Variants in RARS2 observed in about 807,000 individuals in gnomAD.
RARS2 encodes the protein arginyl-tRNA synthetase 2, mitochondrial.
In RARS2, 67 loss-of-function variants were observed where a neutral mutation model predicts 88.5. The ratio of observed to expected loss-of-function variants is 0.76; its 90% CI spans 0.62 to 0.93. The LOEUF is 0.93. Among genes scored for constraint, RARS2 ranks in the 40% least tolerant of loss-of-function variants. The probability of loss-of-function intolerance (pLI) is 0.00; values close to 1 mark genes in which losing one functional copy is unlikely to be tolerated. For missense variants in RARS2, 664 were observed against 684.2 expected (o/e 0.97, Z 0.33); for synonymous variants, 239 against 230.3 (o/e 1.04, Z -0.34).
intron 19 of RARS2, 65 bp downstream of exon 19, chr6:87,514,892 G>T: frequency 7.4e-7 from 1 of 1,346,548 alleles, no homozygotes; most frequent in Non-Finnish European, 1.1e-6. Context: ...AAATTTACAA[G>T]ACTGACTTAG....
intron 5 of RARS2, 148 bp from the exon 6 acceptor site, chr6:87,548,794 A>C (rs1316968020): frequency 1.4e-6 from 1 of 726,212 alleles, no homozygotes. Context: ...AATTTAGAGC[A>C]AAGATAAATT....
rs755363278 is a variant in RARS2 at position 87,518,874 on chromosome 6, T to C, written c.1255A>G (p.Asn419Asp). Residue 419 changes from asparagine to aspartate, a missense_variant, in exon 15 of 20, where the codon AAC becomes GAC. Physicochemically the swap from Asn to Asp is conservative, Grantham distance 23. Coordinates refer to ENST00000369536, the MANE Select transcript of RARS2 (RefSeq NM_020320.5). ...ASIKTTKELK[N>D]PQETAERVGL... ...ACCCTCTCTGCAGTCTCTTGTGGGT[T>C]CTTGAGTTCTTTAGTTGCTGAAACA... 127 of 1,613,974 alleles carry C rather than the reference T, an allele frequency of 7.9e-5. No individual in the cohort carries two copies. Among genetic ancestry groups the C allele is most frequent in the Non-Finnish European group, 9.6e-5 (113 of 1,179,992 alleles).
At chr6:87,569,695 G>A in intron 1 of RARS2, 105 bp from the exon 2 acceptor site, 2 of 875,640 alleles carry the variant, frequency 2.3e-6, no homozygotes, top group Non-Finnish European at 1.9e-6. Flanking sequence ...TAACACGAAT[G>A]AGCTCCAAAT....
chr6:87,525,691 C>T (rs1177522242), intron 10 of RARS2, among the ~76,000 whole-genome samples: 5 of 151,878 alleles, frequency 3.3e-5, no homozygotes, highest in South Asian at 2.1e-4. Context: ...TGGAATTAGG[C>T]GCGCGCCACC....
intron 1 of RARS2, among the ~76,000 whole-genome samples, chr6:87,580,268 T>C (rs1773077113): frequency 6.6e-6 from 1 of 152,302 alleles, no homozygotes; most frequent in Admixed American, 6.5e-5. Context: ...AAAGAAGGTC[T>C]ACTGATAACT....
At chr6:87,522,926 C>A (rs958622184) in intron 11 of RARS2, among the ~76,000 whole-genome samples, 1 of 152,156 alleles carries the variant, frequency 6.6e-6, no homozygotes, top group African/African-American at 2.4e-5. Context: ...AAATCTTATT[C>A]TTCATGCATA....
Position 87,524,575 on chromosome 6 carries a change from G to T in RARS2, c.956C>A (p.Thr319Asn). The T allele has an allele frequency of 6.2e-7, 1 of 1,611,640 alleles. No individual in the cohort carries two copies. Among genetic ancestry groups the T allele is most frequent in the Non-Finnish European group, 8.5e-7 (1 of 1,177,810 alleles). ...SICTVMRSDG[T>N]SLYATRDLAA... ...TACAAACCTGGTTGCATAGAGAGAA[G>T]TCCCATCACTTCGCATTACAGTACA... Residue 319 changes from threonine (T) to asparagine (N), a missense_variant, in exon 11 of 20, where the codon ACT becomes AAT. Thr to Asn is a moderately conservative substitution (Grantham distance 65). Transcript: ENST00000369536.
intron 11 of RARS2, among the ~76,000 whole-genome samples, chr6:87,522,017 A>G (rs535989137): frequency 6.6e-6 from 1 of 152,308 alleles, no homozygotes; most frequent in Non-Finnish European, 1.5e-5. Context: ...CAGGGGGAAT[A>G]CCTTCTAACG....
intron 1 of RARS2, 91 bp from the exon 2 acceptor site, chr6:87,569,681 C>A: frequency 1.0e-6 from 1 of 989,688 alleles, no homozygotes; most frequent in Non-Finnish European, 1.6e-6. Flanking sequence ...ACTATTAATA[C>A]ACTTAACACG....
chr6:87,540,345 C>T (rs1371059359), intron 8 of RARS2, among the ~76,000 whole-genome samples: 2 of 146,346 alleles, frequency 1.4e-5, no homozygotes, highest in Non-Finnish European at 3.0e-5. Flanking sequence ...CCCAGCTACT[C>T]GTGAGGCTGA....
At chr6:87,517,249 G>A (rs1363903424) in intron 17 of RARS2, among the ~76,000 whole-genome samples, 1 of 152,150 alleles carries the variant, frequency 6.6e-6, no homozygotes, top group Non-Finnish European at 1.5e-5. Flanking sequence ...CTGTACTCTA[G>A]CCTGGGCAAC....
At chr6:87,562,976 C>T (rs1394627154) in intron 3 of RARS2, among the ~76,000 whole-genome samples, 191 bp from the exon 4 acceptor site, 1 of 151,952 alleles carries the variant, frequency 6.6e-6, no homozygotes, top group African/African-American at 2.4e-5. Context: ...TTCTTTTTTT[C>T]CCAACTAACA....
At position 87,568,214 on chromosome 6, in the gene RARS2, C is replaced by G. The variant is rs143511077; in HGVS notation, c.110+1303G>C. 2.7e-3 allele frequency among the ~76,000 whole-genome samples: 416 copies of G among 152,284 alleles called. 1 individual carries two copies. Among genetic ancestry groups the G allele is most frequent in the African/African-American group, 9.3e-3 (385 of 41,556 alleles). ...CACATTAAATGAAAATGGAAACAAA[C>G]AGGCTGGGTGTGGTGGTTCATACTT... On this transcript the variant is annotated intron_variant, in intron 2 of 19. Coordinates refer to ENST00000369536, the MANE Select transcript of RARS2 (RefSeq NM_020320.5).
intron 7 of RARS2, among the ~76,000 whole-genome samples, chr6:87,544,888 G>A (rs147545676): frequency 1.9e-3 from 291 of 152,266 alleles, no homozygotes; most frequent in African/African-American, 6.6e-3. Context: ...TATCTTCTGG[G>A]CCACTGGCTA....
At chr6:87,584,161 C>T (rs933558774) in intron 1 of RARS2, among the ~76,000 whole-genome samples, 1 of 152,186 alleles carries the variant, frequency 6.6e-6, no homozygotes, top group African/African-American at 2.4e-5. Context: ...TAACACAGTA[C>T]ACAGCTTATA....
intron 8 of RARS2, among the ~76,000 whole-genome samples, chr6:87,536,626 G>A (rs7750877): frequency 0.066 from 9,323 of 142,062 alleles, 367 homozygotes; most frequent in African/African-American, 0.12. Context: ...AACAGGGCAA[G>A]ACCCCATCAC....
At position 87,550,810 on chromosome 6, in the gene RARS2, A is replaced by G. The variant is rs530129641; in HGVS notation, c.396-2164T>C. On this transcript the variant is annotated intron_variant, in intron 5 of 19. Transcript: ENST00000369536. ...GGAACATAAAATACATTATTTAAGAAAAAAAAAAAAAGCAAGAAGTGAAAA... is the reference window on the plus strand; with the variant it reads ...GGAACATAAAATACATTATTTAAGAGAAAAAAAAAAAGCAAGAAGTGAAAA... Among the ~76,000 whole-genome samples the G allele has an allele frequency of 2.9e-3, 370 of 126,446 alleles. 2 individuals are homozygous for G. The highest frequency in any genetic ancestry group is 0.01 in the African/African-American group (356 of 34,904). The allele number at this position is 126,446 out of a possible 152,430, so 83.0% of individuals were successfully genotyped here.
At chr6:87,564,648 G>A (rs1364913904) in intron 2 of RARS2, 1 of 282,154 alleles carries the variant, frequency 3.5e-6, no homozygotes, top group Non-Finnish European at 6.9e-6. Context: ...CAGCCTGGGT[G>A]ACAAGAGCGA....
At chr6:87,555,301 C>G in intron 5 of RARS2, 107 bp downstream of exon 5, 1 of 810,992 alleles carries the variant, frequency 1.2e-6, no homozygotes, top group South Asian at 1.5e-5. Flanking sequence ...CACTGGTTTT[C>G]AAGTTTTCCA....
Sources: allele counts gnomAD v4.1 joint callset (sites outside exome capture counted in the v4.1 genomes callset), GRCh38; gene constraint gnomAD v4.1.1; transcripts MANE v1.5; gene names NCBI Gene and HGNC (gene_info 2026-07-23, HGNC 2026-07-21).